PSEN1: variants seen among roughly 807,000 people sequenced by gnomAD.
PSEN1 encodes presenilin-1.
PSEN1 carries 15 observed loss-of-function variants against 53.5 expected under a neutral mutation model. The observed-to-expected ratio is 0.28, with a 90% CI of 0.19 to 0.43. The LOEUF is 0.43. Ranked by LOEUF, PSEN1 falls within the 20% of genes least tolerant of loss-of-function variation. The pLI is 1.00. For missense variants in PSEN1, 387 were observed against 571.2 expected (o/e 0.68, Z 3.29); for synonymous variants, 208 against 209.8 (o/e 0.99, Z 0.08).
At chr14:73,143,452 A>G (rs1344493258) in intron 1 of PSEN1, among the ~76,000 whole-genome samples, 1 of 152,160 alleles carries the variant, frequency 6.6e-6, no homozygotes, top group African/African-American at 2.4e-5. Flanking sequence ...TGCAGGCAAA[A>G]TCTTTCACCT....
Position 73,221,609 on chromosome 14 carries a change from A to T in PSEN1, c.*2320A>T, listed in dbSNP as rs570393716. On this transcript the variant is annotated 3_prime_UTR_variant, in exon 12 of 12. Coordinates refer to ENST00000324501, the MANE Select transcript of PSEN1 (RefSeq NM_000021.4). ...TCTTTCCTTTTTTTTTTTTTAAAGG[A>T]CAGGATTTTGCTGTGTTGCCCAGGC... 2 of 151,638 alleles carry T rather than the reference A, an allele frequency of 1.3e-5. No individual in the cohort carries two copies. The highest frequency in any genetic ancestry group is 4.8e-5 in the African/African-American group (2 of 41,346). 9.4% of individuals were successfully genotyped at this position (151,638 alleles called of 1,614,324 possible).
chr14:73,184,908 T>C (rs1421951199), intron 5 of PSEN1, among the ~76,000 whole-genome samples: 4 of 102,476 alleles, frequency 3.9e-5, no homozygotes, highest in Admixed American at 9.6e-5. Flanking sequence ...CGGGCAGAGA[T>C]GCTCCTCACC....
chr14:73,215,256 C>T (rs749898897), intron 10 of PSEN1, among the ~76,000 whole-genome samples: 59 of 151,298 alleles, frequency 3.9e-4, no homozygotes, highest in Admixed American at 2.2e-3. Flanking sequence ...CCACTGTGCC[C>T]GGCCAAAAAA....
chr14:73,189,854 A>G (rs1898651085), intron 6 of PSEN1: 2 of 247,114 alleles, frequency 8.1e-6, no homozygotes, highest in Admixed American at 4.5e-5. Flanking sequence ...ACTGCCTTCC[A>G]AGAAGCCCTT....
chr14:73,186,874 A>G lies in PSEN1; in HGVS notation c.502A>G (p.Ile168Val), dbSNP rs1395342213. Reference protein sequence around the residue: ...CYKVIHAWLIISSLLLLFFFS... With the variant: ...CYKVIHAWLIVSSLLLLFFFS... Reference sequence around the variant, plus strand: ...CTAGGTCATCCATGCCTGGCTTATTATATCATCTCTATTGTTGCTGTTCTT... The same window carrying G: ...CTAGGTCATCCATGCCTGGCTTATTGTATCATCTCTATTGTTGCTGTTCTT... Residue 168 changes from isoleucine (I) to valine (V), a missense_variant, in exon 6 of 12, where the codon ATA becomes GTA. Around this residue, in one of 4 missense-constraint regions of PSEN1, gnomAD observed 169 missense variants for 299.7 expected, o/e 0.56. Coordinates refer to ENST00000324501, the MANE Select transcript of PSEN1 (RefSeq NM_000021.4). 3 of 1,613,308 alleles carry G rather than the reference A, an allele frequency of 1.9e-6. No homozygotes were observed. Among genetic ancestry groups the G allele is most frequent in the African/African-American group, 1.3e-5 (1 of 75,016 alleles).
At chr14:73,186,707 G>T in intron 5 of PSEN1, 146 bp from the exon 6 acceptor site, 1 of 734,302 alleles carries the variant, frequency 1.4e-6, no homozygotes, top group East Asian at 2.6e-5. Flanking sequence ...AACCCAGGAG[G>T]CAGAGGTTGT....
chr14:73,203,905 G>A (rs1052414670), intron 8 of PSEN1, among the ~76,000 whole-genome samples: 5 of 152,160 alleles, frequency 3.3e-5, no homozygotes, highest in African/African-American at 9.7e-5. Context: ...TATAATCCCA[G>A]GACTTTGGGA....
At chr14:73,191,231 T>C (rs1457159276) in intron 6 of PSEN1, among the ~76,000 whole-genome samples, 1 of 152,234 alleles carries the variant, frequency 6.6e-6, no homozygotes, top group African/African-American at 2.4e-5. Context: ...TGTCATCCTT[T>C]CAGGAATTAA....
At chr14:73,141,928 G>T (rs1393736958) in intron 1 of PSEN1, among the ~76,000 whole-genome samples, 1 of 151,848 alleles carries the variant, frequency 6.6e-6, no homozygotes, top group Non-Finnish European at 1.5e-5. Flanking sequence ...TTAGCCAGGC[G>T]TGGTGGCGGG....
intron 5 of PSEN1, among the ~76,000 whole-genome samples, chr14:73,181,285 CA>C (rs1255867466): frequency 6.6e-6 from 1 of 151,780 alleles, no homozygotes; most frequent in Non-Finnish European, 1.5e-5. Context: ...ACTAAAAATA[CA>C]AAAAAATTAG....
At chr14:73,155,657 C>A (rs1016119463) in intron 3 of PSEN1, among the ~76,000 whole-genome samples, 46 of 151,872 alleles carry the variant, frequency 3.0e-4, no homozygotes, top group African/African-American at 1.1e-3. Context: ...GTGTGTGCCA[C>A]CATGCCTGGC....
At chr14:73,203,235 C>T (rs1309871881) in intron 8 of PSEN1, among the ~76,000 whole-genome samples, 2 of 152,026 alleles carry the variant, frequency 1.3e-5, no homozygotes, top group African/African-American at 2.4e-5. Flanking sequence ...CCTGCCACCA[C>T]GCCCAGCTAA....
chr14:73,208,105 G>A (rs1899527986), intron 9 of PSEN1, among the ~76,000 whole-genome samples: 1 of 152,200 alleles, frequency 6.6e-6, no homozygotes, highest in Non-Finnish European at 1.5e-5. Context: ...CCCCAAAGAG[G>A]GGGGTCATAG....
chr14:73,165,269 T>C (rs955997307), intron 3 of PSEN1, among the ~76,000 whole-genome samples: 8 of 152,172 alleles, frequency 5.3e-5, no homozygotes, highest in Admixed American at 4.6e-4. Context: ...ACTGTGCTTT[T>C]TTTAAATAAA....
rs1169706535 is a variant in PSEN1 at position 73,140,055 on chromosome 14, AT to A, written c.-136+3473del. Among the ~76,000 whole-genome samples the A allele has an allele frequency of 2.0e-5, 3 of 152,202 alleles. 1 individual carries two copies. The highest frequency in any genetic ancestry group is 7.2e-5 in the African/African-American group (3 of 41,458). On this transcript the variant is annotated intron_variant, in intron 1 of 11. Coordinates refer to ENST00000324501, the MANE Select transcript of PSEN1 (RefSeq NM_000021.4). ...TCAGAATTTTAGACAATGATTTTGAATAATCATATCTCCCTTATAGAGTTAT... is the reference window on the plus strand; with the variant it reads ...TCAGAATTTTAGACAATGATTTTGAAAATCATATCTCCCTTATAGAGTTAT...
chr14:73,197,967 C>T (rs766938313), intron 7 of PSEN1, 64 bp from the exon 8 acceptor site: 2 of 879,958 alleles, frequency 2.3e-6, no homozygotes, highest in Non-Finnish European at 3.8e-6. Context: ...TTCCTCCCTA[C>T]CACCCATTTA....
chr14:73,205,478 CAAAAAAAAAAAA>C (rs34992040), intron 8 of PSEN1, among the ~76,000 whole-genome samples: 2 of 64,678 alleles, frequency 3.1e-5, no homozygotes, highest in Non-Finnish European at 6.5e-5. Flanking sequence ...GACTCTGTCT[CAAAAAAAAAAAA>C]AAAAAAAAAA....
chr14:73,211,959 A>G lies in PSEN1; in HGVS notation c.1129+17A>G, dbSNP rs766998814. 5 of 1,612,998 alleles carry G rather than the reference A, an allele frequency of 3.1e-6. No individual in the cohort carries two copies. The highest frequency in any genetic ancestry group is 4.5e-5 in the East Asian group (2 of 44,850). ...CAGAGGAAAGTATGTGCATTTCTCT[A>G]TGTTGCAAAGTCATGGATTCCTTTA... On this transcript the variant is annotated intron_variant, in intron 10 of 11. Transcript: ENST00000324501.
chr14:73,145,933 C>A (rs1360714863), intron 1 of PSEN1: 2 of 151,886 alleles, frequency 1.3e-5, no homozygotes, highest in African/African-American at 4.8e-5. Flanking sequence ...ATGGTGAAAC[C>A]CAGTCTCTAC....
Sources: gnomAD v4.1 joint callset for allele counts (sites outside exome capture counted in the v4.1 genomes callset) on GRCh38, gnomAD v4.1.1 for gene constraint, gnomAD v4.1.1 regional missense constraint, MANE v1.5 for transcripts, NCBI Gene and HGNC (gene_info 2026-07-23, HGNC 2026-07-21) for gene names.